The following SAE1 variants were observed in gnomAD, a reference collection of about 807,000 sequenced individuals.
SAE1 encodes the protein SUMO1 activating enzyme subunit 1, also known as SUMO-activating enzyme subunit 1.
A neutral mutation model predicts 40.6 loss-of-function variants in SAE1; 11 were observed. The observed-to-expected ratio is 0.27, with a 90% confidence interval of 0.17 to 0.45. SAE1 has a LOEUF of 0.45. Ranked by LOEUF, SAE1 falls within the 20% of genes least tolerant of loss-of-function variation. The pLI, the probability that SAE1 is intolerant of heterozygous loss-of-function variation, is 1.00. For missense variants in SAE1, 373 were observed against 427.3 expected, an observed-to-expected ratio of 0.87 and a Z score of 1.12; for synonymous variants, 155 against 154.3, an observed-to-expected ratio of 1.00 and a Z score of -0.03.
chr19:47,135,776 C>T (rs1432843060), intron 1 of SAE1, among the ~76,000 whole-genome samples: 2 of 152,086 alleles, frequency 1.3e-5, no homozygotes, highest in Admixed American at 6.6e-5. Flanking sequence ...AACAGCAATG[C>T]CCAGCCTTTG....
intron 1 of SAE1, among the ~76,000 whole-genome samples, chr19:47,136,900 C>CTCTAGGTGGGATAGGAGGGT (rs1222416269): frequency 6.6e-6 from 1 of 152,010 alleles, no homozygotes; most frequent in Non-Finnish European, 1.5e-5. Context: ...TCTAAGAGGG[C>CTCTAGGTGGGATAGGAGGGT]TCTAGGTGGG....
chr19:47,142,657 C>G (rs1341040084), intron 1 of SAE1: 2 of 152,212 alleles, frequency 1.3e-5, no homozygotes, highest in Non-Finnish European at 2.9e-5. Flanking sequence ...TTTTCAGCCT[C>G]TCTGTCATTC....
chr19:47,131,056 T>A (rs177918), intron 1 of SAE1, 28 bp downstream of exon 1: 1 of 1,508,946 alleles, frequency 6.6e-7, no homozygotes, highest in African/African-American at 1.4e-5. Flanking sequence ...TTGAGGCCGC[T>A]AGGGTCTGGA....
At chr19:47,182,509 G>T (rs545354640) in intron 6 of SAE1, among the ~76,000 whole-genome samples, 1 of 148,326 alleles carries the variant, frequency 6.7e-6, no homozygotes. Flanking sequence ...GCGCACGCAC[G>T]CGCGCGCGCA....
chr19:47,147,999 A>C (rs1291892000), intron 2 of SAE1, among the ~76,000 whole-genome samples: 1 of 151,888 alleles, frequency 6.6e-6, no homozygotes. Flanking sequence ...TGACCTCGTG[A>C]TCTGCCTGCC....
chr19:47,168,338 T>C (rs76616951), intron 5 of SAE1, among the ~76,000 whole-genome samples: 1 of 152,220 alleles, frequency 6.6e-6, no homozygotes, highest in Non-Finnish European at 1.5e-5. Context: ...CTCTGTTTTT[T>C]CTGTCACCCA....
intron 6 of SAE1, among the ~76,000 whole-genome samples, chr19:47,170,498 CCCG>C (rs2058423998): frequency 6.9e-6 from 1 of 145,542 alleles, no homozygotes. Context: ...TTCACCGCCC[CCCG>C]CCTTTTTTTT....
At chr19:47,179,508 A>G (rs940158271) in intron 6 of SAE1, among the ~76,000 whole-genome samples, 6 of 151,998 alleles carry the variant, frequency 3.9e-5, no homozygotes, top group African/African-American at 1.5e-4. Context: ...TAAGAAAAAA[A>G]AAAAAAGAAA....
chr19:47,178,677 TG>T (rs1404850000), intron 6 of SAE1, among the ~76,000 whole-genome samples: 1 of 152,190 alleles, frequency 6.6e-6, no homozygotes, highest in Non-Finnish European at 1.5e-5. Context: ...TTCGCCATGT[TG>T]GCCAGGCTGG....
At chr19:47,193,744 C>T (rs891503106) in intron 6 of SAE1, among the ~76,000 whole-genome samples, 14 of 150,298 alleles carry the variant, frequency 9.3e-5, no homozygotes, top group African/African-American at 3.2e-4. Flanking sequence ...AGGAGAATGG[C>T]TTGAACCCGG....
At chr19:47,132,300 G>C (rs2058149757) in intron 1 of SAE1, among the ~76,000 whole-genome samples, 1 of 150,774 alleles carries the variant, frequency 6.6e-6, no homozygotes, top group Non-Finnish European at 1.5e-5. Flanking sequence ...GCCCAGTGGA[G>C]TGCAGTGGTG....
intron 3 of SAE1, 77 bp downstream of exon 3, chr19:47,150,452 A>G: frequency 8.6e-7 from 1 of 1,161,974 alleles, no homozygotes; most frequent in Non-Finnish European, 1.2e-6. Flanking sequence ...TCAAATCCCA[A>G]AGCAATCTGA....
intron 6 of SAE1, among the ~76,000 whole-genome samples, chr19:47,182,496 TGCGCGCACGCAC>T (rs1254397918): frequency 3.4e-4 from 49 of 146,044 alleles, no homozygotes; most frequent in African/African-American, 9.6e-4. Flanking sequence ...TGTGTGTGTG[TGCGCGCACGCAC>T]GCGCGCGCGC....
intron 6 of SAE1, among the ~76,000 whole-genome samples, chr19:47,186,462 G>T (rs893036684): frequency 2.6e-5 from 4 of 152,106 alleles, no homozygotes; most frequent in Admixed American, 6.6e-5. Flanking sequence ...ACCTTTTATA[G>T]GGATCCTTAA....
chr19:47,149,401 C>T (rs532307751), intron 2 of SAE1, among the ~76,000 whole-genome samples: 1 of 151,968 alleles, frequency 6.6e-6, no homozygotes, highest in African/African-American at 2.4e-5. Context: ...AAACTCCTGA[C>T]CTCAGGTGAT....
At chr19:47,189,577 A>C (rs1046782778) in intron 6 of SAE1, among the ~76,000 whole-genome samples, 5 of 151,804 alleles carry the variant, frequency 3.3e-5, no homozygotes, top group African/African-American at 1.2e-4. Context: ...AACAAACAAA[A>C]AAAACAAAAG....
chr19:47,145,750 C>T (rs2058252059), intron 2 of SAE1, among the ~76,000 whole-genome samples: 1 of 151,984 alleles, frequency 6.6e-6, no homozygotes. Flanking sequence ...TGTAAGAATC[C>T]AACATTGGAG....
chr19:47,188,580 T>G (rs73568501), intron 6 of SAE1, among the ~76,000 whole-genome samples: 1 of 152,306 alleles, frequency 6.6e-6, no homozygotes, highest in African/African-American at 2.4e-5. Context: ...TGGACTTTGC[T>G]TAAGAGCAGT....
In SAE1 at chr19:47,154,480, CTTTTTTTTTTTTTT is replaced by C. The variant is rs57870733; in HGVS notation, c.528-617_528-604del. On this transcript the variant is annotated intron_variant, in intron 4 of 8. Transcript: ENST00000270225. ...AGCAGAGGGGCAGAATTAAGTTTGG[CTTTTTTTTTTTTTT>C]TTTTTTTTTTTTTTTTCTGAGACAG... 7.0e-4 allele frequency among the ~76,000 whole-genome samples: 36 copies of C among 51,606 alleles called. 1 individual carries two copies. The highest frequency in any genetic ancestry group is 3.6e-3 in the East Asian group (5 of 1,384). 33.9% of individuals were successfully genotyped at this position (51,606 alleles called of 152,430 possible). A position where few individuals can be genotyped will look rare whatever the true frequency, so the allele number is the denominator to read the frequency against.
Sources: gnomAD v4.1 joint callset for allele counts (sites outside exome capture counted in the v4.1 genomes callset) on GRCh38, gnomAD v4.1.1 for gene constraint, MANE v1.5 for transcripts, NCBI Gene and HGNC (gene_info 2026-07-23, HGNC 2026-07-21) for gene names.